The following KHDRBS2 variants were observed in gnomAD, a reference collection of about 807,000 sequenced individuals.
KHDRBS2 encodes KH RNA binding domain containing, signal transduction associated 2.
Under a neutral mutation model 44.3 loss-of-function variants are expected in KHDRBS2, and 26 were observed. The ratio of observed to expected loss-of-function variants is 0.59; its 90% CI spans 0.43 to 0.81. The LOEUF (loss-of-function observed/expected upper bound fraction) is 0.81. Ranked by LOEUF, KHDRBS2 falls within the 40% of genes least tolerant of loss-of-function variation. The probability of loss-of-function intolerance (pLI) is 0.00; values close to 1 mark genes in which losing one functional copy is unlikely to be tolerated. For synonymous variants in KHDRBS2, 194 were observed against 151.1 expected (o/e 1.28, Z -2.08); for missense variants, 476 against 433.1 (o/e 1.10, Z -0.88).
chr6:62,083,468 G>A (rs183887779), intron 2 of KHDRBS2, among the ~76,000 whole-genome samples: 1 of 152,302 alleles, frequency 6.6e-6, no homozygotes, highest in Admixed American at 6.5e-5. Context: ...GCAGGAGGCT[G>A]TCACACTGAC....
intron 3 of KHDRBS2, among the ~76,000 whole-genome samples, chr6:62,047,296 G>A (rs1297879993): frequency 7.9e-5 from 12 of 151,886 alleles, no homozygotes; most frequent in Admixed American, 5.3e-4. Context: ...AAGAAATAAT[G>A]TAGTACAGAT....
chr6:62,032,435 C>T (rs369084090), intron 3 of KHDRBS2, among the ~76,000 whole-genome samples: 13 of 151,928 alleles, frequency 8.6e-5, no homozygotes, highest in African/African-American at 1.7e-4. Context: ...TTTCAGAACT[C>T]GGACTGGCTC....
intron 2 of KHDRBS2, among the ~76,000 whole-genome samples, chr6:62,175,616 T>C (rs1398799501): frequency 2.0e-5 from 3 of 151,646 alleles, no homozygotes; most frequent in Non-Finnish European, 4.4e-5. Context: ...AAGCATTCCA[T>C]GATTTTAAAA....
chr6:61,973,329 A>C (rs1192436), intron 4 of KHDRBS2, among the ~76,000 whole-genome samples: 112,933 of 152,008 alleles, frequency 0.74, 42,277 homozygotes, highest in African/African-American at 0.84. Flanking sequence ...TTACTTACTT[A>C]CCAGTATGAT....
At chr6:61,908,492 G>A (rs1018875163) in intron 4 of KHDRBS2, among the ~76,000 whole-genome samples, 1 of 151,870 alleles carries the variant, frequency 6.6e-6, no homozygotes, top group Non-Finnish European at 1.5e-5. Context: ...AAATTAGCCG[G>A]GCGTGGTGGT....
intron 8 of KHDRBS2, among the ~76,000 whole-genome samples, chr6:61,689,850 G>A (rs1767201382): frequency 1.3e-5 from 2 of 152,004 alleles, no homozygotes; most frequent in East Asian, 3.9e-4. Flanking sequence ...CTGATTGTGA[G>A]TCATATATAC....
At chr6:62,160,244 T>C (rs1165383181) in intron 2 of KHDRBS2, among the ~76,000 whole-genome samples, 1 of 151,990 alleles carries the variant, frequency 6.6e-6, no homozygotes, top group Non-Finnish European at 1.5e-5. Context: ...TAAAAGATAA[T>C]ATATGCTATG....
intron 6 of KHDRBS2, among the ~76,000 whole-genome samples, chr6:61,846,490 G>A (rs1794425033): frequency 1.3e-5 from 2 of 152,070 alleles, no homozygotes; most frequent in Non-Finnish European, 2.9e-5. Context: ...TTGAGAATAA[G>A]CTCAGAAAAG....
At chr6:61,652,191 T>A in the KHDRBS2 span, 1 of 152,240 alleles carries the variant, frequency 6.6e-6, no homozygotes, top group African/African-American at 2.4e-5. Context: ...TGGAAAGAAA[T>A]CTTCACTGTC....
At chr6:61,586,637 A>C in the KHDRBS2 span, among the ~76,000 whole-genome samples, 1 of 152,186 alleles carries the variant, frequency 6.6e-6, no homozygotes, top group Non-Finnish European at 1.5e-5. Flanking sequence ...GTAAAGAGAA[A>C]GGTTTTTTTC....
chr6:62,208,626 C>A (rs2150143287), intron 1 of KHDRBS2, among the ~76,000 whole-genome samples: 1 of 152,118 alleles, frequency 6.6e-6, no homozygotes, highest in South Asian at 2.1e-4. Flanking sequence ...AGTATAATGG[C>A]TCTATTTTTA....
intron 8 of KHDRBS2, among the ~76,000 whole-genome samples, chr6:61,684,652 A>G (rs1038320493): frequency 6.6e-6 from 1 of 151,828 alleles, no homozygotes; most frequent in Non-Finnish European, 1.5e-5. Flanking sequence ...GATTCTCTCA[A>G]TATCAGGATC....
downstream of KHDRBS2, among the ~76,000 whole-genome samples, chr6:61,675,956 C>T (rs931217550): frequency 6.6e-6 from 1 of 151,614 alleles, no homozygotes; most frequent in Non-Finnish European, 1.5e-5. Flanking sequence ...CCTTAAAATG[C>T]CATGCAAGTT....
At chr6:62,126,694 TA>T (rs1220812421) in intron 2 of KHDRBS2, among the ~76,000 whole-genome samples, 1 of 152,184 alleles carries the variant, frequency 6.6e-6, no homozygotes, top group Non-Finnish European at 1.5e-5. Flanking sequence ...GCCTCCTTCT[TA>T]AGAAGAATAT....
intron 4 of KHDRBS2, among the ~76,000 whole-genome samples, chr6:61,975,473 G>A (rs1772391262): frequency 6.6e-6 from 1 of 152,112 alleles, no homozygotes; most frequent in Non-Finnish European, 1.5e-5. Context: ...AAAATTGGCA[G>A]TTCATTTTTG....
chr6:61,773,668 T>C (rs1158558034), intron 6 of KHDRBS2, among the ~76,000 whole-genome samples: 2 of 151,286 alleles, frequency 1.3e-5, no homozygotes, highest in African/African-American at 4.9e-5. Flanking sequence ...TTTGTCAATT[T>C]TGGCTTTTGT....
chr6:62,188,397 A>G (rs1476615536), intron 1 of KHDRBS2, among the ~76,000 whole-genome samples: 1 of 152,140 alleles, frequency 6.6e-6, no homozygotes, highest in Non-Finnish European at 1.5e-5. Context: ...AAGTGGAATC[A>G]TGTAGCGATT....
chr6:61,917,353 T>C (rs73489403), intron 4 of KHDRBS2, among the ~76,000 whole-genome samples: 3,355 of 151,980 alleles, frequency 0.022, 135 homozygotes, highest in African/African-American at 0.077. Context: ...AAATGTATAT[T>C]AAAAGCTTAA....
the KHDRBS2 span, among the ~76,000 whole-genome samples, chr6:61,600,384 C>T: frequency 6.6e-6 from 1 of 152,130 alleles, no homozygotes; most frequent in Admixed American, 6.6e-5. Context: ...TGTGAAATTC[C>T]TTCTCCTGGC....
Sources: allele counts gnomAD v4.1 joint callset (sites outside exome capture counted in the v4.1 genomes callset), GRCh38; gene constraint gnomAD v4.1.1; transcripts MANE v1.5; gene names NCBI Gene and HGNC (gene_info 2026-07-23, HGNC 2026-07-21).